DGKB: variants seen among roughly 807,000 people sequenced by gnomAD.
DGKB encodes 90 kDa diacylglycerol kinase.
Under a neutral mutation model 114.3 loss-of-function variants are expected in DGKB, and 67 were observed. The observed-to-expected ratio is 0.59, with a 90% CI of 0.48 to 0.72. The LOEUF (loss-of-function observed/expected upper bound fraction) is 0.72, where lower values mean the gene tolerates loss of function less well. Among genes scored for constraint, DGKB ranks in the 30% least tolerant of loss-of-function variants. The probability of loss-of-function intolerance (pLI) is 0.00; values close to 1 mark genes in which losing one functional copy is unlikely to be tolerated. For synonymous variants in DGKB, 398 were observed against 323.1 expected (o/e 1.23, Z -2.49); for missense variants, 907 against 975.2 (o/e 0.93, Z 0.93).
At chr7:14,945,311 G>C (rs997946306) in intron 1 of DGKB, among the ~76,000 whole-genome samples, 1 of 151,818 alleles carries the variant, frequency 6.6e-6, no homozygotes, top group South Asian at 2.1e-4. Context: ...GAAGGTGGAG[G>C]TGTGCTTGTC....
intron 23 of DGKB, among the ~76,000 whole-genome samples, chr7:14,292,235 C>T (rs1314924952): frequency 1.3e-5 from 2 of 152,120 alleles, no homozygotes; most frequent in Non-Finnish European, 2.9e-5. Flanking sequence ...GCGTTTTCAT[C>T]TATGGTGGAT....
intron 6 of DGKB, among the ~76,000 whole-genome samples, chr7:14,717,089 G>A (rs986560918): frequency 7.9e-5 from 12 of 152,078 alleles, no homozygotes; most frequent in Non-Finnish European, 1.3e-4. Context: ...TTTTTGAATA[G>A]TGTGGTGAGT....
At chr7:14,279,327 G>A (rs1044483380) in intron 23 of DGKB, among the ~76,000 whole-genome samples, 2 of 152,168 alleles carry the variant, frequency 1.3e-5, no homozygotes, top group African/African-American at 4.8e-5. Flanking sequence ...CATTGCCCAG[G>A]CTTGATTAGG....
At chr7:14,870,522 G>A (rs953086465) in intron 1 of DGKB, among the ~76,000 whole-genome samples, 1 of 152,114 alleles carries the variant, frequency 6.6e-6, no homozygotes, top group Non-Finnish European at 1.5e-5. Flanking sequence ...AATTGGCCAG[G>A]TGTGATGGCT....
chr7:14,565,620 G>A (rs1319447132), intron 20 of DGKB, among the ~76,000 whole-genome samples: 1 of 152,026 alleles, frequency 6.6e-6, no homozygotes, highest in Admixed American at 6.6e-5. Context: ...CTCAGTAAAT[G>A]AGACCACCTA....
intron 1 of DGKB, among the ~76,000 whole-genome samples, chr7:14,943,468 T>C (rs1421320595): frequency 2.0e-5 from 3 of 151,986 alleles, no homozygotes; most frequent in African/African-American, 7.2e-5. Flanking sequence ...CTAGATAAGC[T>C]TAAACAGACA....
chr7:14,351,454 G>A (rs902802608), intron 21 of DGKB, among the ~76,000 whole-genome samples: 1 of 151,860 alleles, frequency 6.6e-6, no homozygotes, highest in Non-Finnish European at 1.5e-5. Flanking sequence ...AGTGCAGAGG[G>A]AAAGGGAGGA....
chr7:14,583,217 C>T, intron 17 of DGKB, 80 bp from the exon 18 acceptor site: 3 of 782,084 alleles, frequency 3.8e-6, no homozygotes, highest in South Asian at 3.9e-5. Context: ...TAACATTTTA[C>T]CCGATGAAAT....
intron 2 of DGKB, among the ~76,000 whole-genome samples, chr7:14,774,373 T>C (rs1465345014): frequency 1.3e-5 from 2 of 152,240 alleles, no homozygotes; most frequent in Non-Finnish European, 2.9e-5. Context: ...TCTAACTTGA[T>C]TGGATATTTG....
chr7:14,393,798 G>T (rs1405808910), intron 21 of DGKB, among the ~76,000 whole-genome samples: 1 of 152,088 alleles, frequency 6.6e-6, no homozygotes, highest in African/African-American at 2.4e-5. Flanking sequence ...ATCTGAACGA[G>T]AAACTCTGTG....
intron 1 of DGKB, among the ~76,000 whole-genome samples, chr7:14,874,207 T>A (rs980906758): frequency 6.6e-6 from 1 of 152,076 alleles, no homozygotes; most frequent in Admixed American, 6.6e-5. Flanking sequence ...CAGAGCCTGA[T>A]ATTCTCTGGT....
chr7:14,344,897 T>C (rs1333616640), intron 22 of DGKB, among the ~76,000 whole-genome samples: 4 of 151,638 alleles, frequency 2.6e-5, no homozygotes, highest in African/African-American at 9.7e-5. Context: ...CCTTTATTCA[T>C]AAAAGTAAGT....
chr7:14,438,795 A>T (rs1829643553), intron 21 of DGKB, among the ~76,000 whole-genome samples: 1 of 152,146 alleles, frequency 6.6e-6, no homozygotes, highest in African/African-American at 2.4e-5. Flanking sequence ...AGAAGCAGAT[A>T]ATTAAGTATC....
intron 6 of DGKB, among the ~76,000 whole-genome samples, chr7:14,704,986 T>G (rs1036960410): frequency 2.0e-5 from 3 of 151,918 alleles, no homozygotes; most frequent in African/African-American, 7.3e-5. Context: ...TTTGACGAGC[T>G]GAGAGAAGAA....
chr7:14,340,187 AAGC>A (rs1811379378), intron 22 of DGKB, among the ~76,000 whole-genome samples: 1 of 147,022 alleles, frequency 6.8e-6, no homozygotes, highest in African/African-American at 2.5e-5. Context: ...TTTTTCCAGA[AAGC>A]AGTGCTTTTT....
intron 2 of DGKB, among the ~76,000 whole-genome samples, chr7:14,783,286 C>T (rs1057041232): frequency 1.5e-4 from 23 of 152,020 alleles, no homozygotes; most frequent in Admixed American, 5.9e-4. Flanking sequence ...CATTCTTATA[C>T]CAAAGAGAAT....
At chr7:14,624,826 T>G (rs1447366102) in intron 14 of DGKB, among the ~76,000 whole-genome samples, 1 of 152,036 alleles carries the variant, frequency 6.6e-6, no homozygotes, top group Admixed American at 6.6e-5. Flanking sequence ...GGTGAGCCCC[T>G]GTCGCTACTA....
At chr7:14,911,004 C>A (rs1167321891) in intron 1 of DGKB, among the ~76,000 whole-genome samples, 4 of 152,022 alleles carry the variant, frequency 2.6e-5, no homozygotes, top group South Asian at 2.1e-4. Flanking sequence ...ATATTTACTG[C>A]AATGTATAGT....
chr7:14,678,382 GA>G (rs1820248274), intron 12 of DGKB, among the ~76,000 whole-genome samples: 2 of 152,002 alleles, frequency 1.3e-5, no homozygotes, highest in South Asian at 4.1e-4. Context: ...AAATTTCAAG[GA>G]AGACAGGTAA....
Sources: allele counts gnomAD v4.1 joint callset (sites outside exome capture counted in the v4.1 genomes callset), GRCh38; gene constraint gnomAD v4.1.1; transcripts MANE v1.5; gene names NCBI Gene and HGNC (gene_info 2026-07-23, HGNC 2026-07-21).